Variants in ITGA9 observed in about 807,000 individuals in gnomAD.
ITGA9 encodes integrin alpha-9.
A neutral mutation model predicts 127.8 loss-of-function variants in ITGA9; 56 were observed. That is an observed-to-expected ratio of 0.44 (90% confidence interval 0.35 to 0.55). ITGA9 has a LOEUF of 0.55. Among genes scored for constraint, ITGA9 ranks in the 20% least tolerant of loss-of-function variants. The pLI is 0.00. For synonymous variants in ITGA9, 508 were observed against 514.5 expected (o/e 0.99, Z 0.17); for missense variants, 1,196 against 1,347.1 (o/e 0.89, Z 1.76).
intron 26 of ITGA9, among the ~76,000 whole-genome samples, chr3:37,796,140 G>A (rs72862206): frequency 0.021 from 3,136 of 152,112 alleles, 103 homozygotes; most frequent in African/African-American, 0.072. Context: ...GCCAAAGGGG[G>A]TTTGCACATC....
At chr3:37,677,277 G>A in intron 17 of ITGA9, among the ~76,000 whole-genome samples, 1 of 152,156 alleles carries the variant, frequency 6.6e-6, no homozygotes, top group Admixed American at 6.6e-5. Flanking sequence ...GACAACAGAT[G>A]AGCAATTTTG....
intron 15 of ITGA9, among the ~76,000 whole-genome samples, chr3:37,577,048 C>T (rs962312685): frequency 1.3e-5 from 2 of 152,250 alleles, no homozygotes; most frequent in Non-Finnish European, 2.9e-5. Context: ...AGGACCCATC[C>T]TTGGGGTCGT....
intron 15 of ITGA9, among the ~76,000 whole-genome samples, chr3:37,596,537 A>G (rs1699872630): frequency 6.6e-6 from 1 of 152,092 alleles, no homozygotes; most frequent in Non-Finnish European, 1.5e-5. Context: ...GAGCACAAAG[A>G]TGTGTGTTGA....
At chr3:37,793,404 AC>A in intron 26 of ITGA9, among the ~76,000 whole-genome samples, 1 of 137,068 alleles carries the variant, frequency 7.3e-6, no homozygotes, top group Non-Finnish European at 1.7e-5. Context: ...ACACACACAC[AC>A]ACACACACAC....
intron 18 of ITGA9, among the ~76,000 whole-genome samples, chr3:37,685,530 A>G (rs1700774771): frequency 6.6e-6 from 1 of 152,142 alleles, no homozygotes; most frequent in Non-Finnish European, 1.5e-5. Flanking sequence ...ACAGAATCGC[A>G]TGTGCTGTGA....
At chr3:37,558,673 C>T (rs983490381) in intron 15 of ITGA9, among the ~76,000 whole-genome samples, 2 of 152,182 alleles carry the variant, frequency 1.3e-5, no homozygotes, top group South Asian at 2.1e-4. Flanking sequence ...GGGCCCGGGG[C>T]AGATGGAGAC....
At chr3:37,606,922 C>T (rs944627160) in intron 15 of ITGA9, among the ~76,000 whole-genome samples, 2 of 148,754 alleles carry the variant, frequency 1.3e-5, no homozygotes, top group African/African-American at 5.0e-5. Flanking sequence ...TTTCTTGACA[C>T]ATCTTGGCTT....
At chr3:37,518,565 A>G (rs1699010745) in intron 10 of ITGA9, among the ~76,000 whole-genome samples, 1 of 152,210 alleles carries the variant, frequency 6.6e-6, no homozygotes, top group Non-Finnish European at 1.5e-5. Context: ...AATAATAATA[A>G]GGAATGGTCC....
intron 18 of ITGA9, among the ~76,000 whole-genome samples, chr3:37,695,835 G>C (rs918921706): frequency 1.3e-5 from 2 of 152,146 alleles, no homozygotes; most frequent in African/African-American, 4.8e-5. Flanking sequence ...ATTTTTCTTT[G>C]GTAATAATAA....
chr3:37,793,393 CA>C (rs1559600520), intron 26 of ITGA9, among the ~76,000 whole-genome samples: 1 of 56,938 alleles, frequency 1.8e-5, no homozygotes, highest in Non-Finnish European at 4.1e-5. Flanking sequence ...CAGGTCAACA[CA>C]CACACACACA....
chr3:37,490,963 G>T (rs1698663949), intron 4 of ITGA9, among the ~76,000 whole-genome samples: 2 of 110,184 alleles, frequency 1.8e-5, no homozygotes, highest in African/African-American at 6.5e-5. Context: ...CTCAGATTTG[G>T]CTTCCCCCCC....
At position 37,516,584 on chromosome 3, in the gene ITGA9, T is replaced by C. The variant is rs1455494625; in HGVS notation, c.1036-920T>C. On this transcript the variant is annotated intron_variant, in intron 9 of 27. Transcript: ENST00000264741. ...AAAGAAATTAATGCATATTTGTGTTTTGGGGTGGAGGTTTCATTCATCCAA... is the reference window on the plus strand; with the variant it reads ...AAAGAAATTAATGCATATTTGTGTTCTGGGGTGGAGGTTTCATTCATCCAA... Among the ~76,000 whole-genome samples the C allele has an allele frequency of 3.3e-5, 5 of 152,352 alleles. No individual in the cohort carries two copies. In the East Asian group the frequency reaches 9.6e-4, roughly 29 times the overall value.
At chr3:37,780,587 C>G (rs867960383) in intron 25 of ITGA9, among the ~76,000 whole-genome samples, 4 of 152,026 alleles carry the variant, frequency 2.6e-5, no homozygotes, top group South Asian at 2.1e-4. Flanking sequence ...TTCATGGACA[C>G]TTAAGTTGAT....
Position 37,819,093 on chromosome 3 carries a change from C to G in ITGA9, c.*104C>G. ...ATCTTCTCCAGATTTTTCGGAGGCC[C>G]CACTGATGCTGTTCTCTTCTTCATT... On this transcript the variant is annotated 3_prime_UTR_variant, in exon 28 of 28. Transcript: ENST00000264741. 1 of 857,810 alleles carries G rather than the reference C, an allele frequency of 1.2e-6. No homozygotes were observed. The highest frequency in any genetic ancestry group is 1.7e-5 in the African/African-American group (1 of 59,808). 53.1% of individuals were successfully genotyped at this position (857,810 alleles called of 1,614,324 possible).
chr3:37,505,634 G>A (rs1698832452), intron 6 of ITGA9, among the ~76,000 whole-genome samples: 1 of 152,180 alleles, frequency 6.6e-6, no homozygotes, highest in Admixed American at 6.5e-5. Flanking sequence ...CTTGATCTGG[G>A]TGGTGGTTGC....
At chr3:37,776,289 G>A (rs1433059068) in intron 23 of ITGA9, among the ~76,000 whole-genome samples, 1 of 152,096 alleles carries the variant, frequency 6.6e-6, no homozygotes, top group Non-Finnish European at 1.5e-5. Context: ...CATGACACAA[G>A]TTTACCTATA....
chr3:37,688,994 A>G (rs373870119), intron 18 of ITGA9, among the ~76,000 whole-genome samples: 7 of 125,612 alleles, frequency 5.6e-5, no homozygotes, highest in South Asian at 6.0e-4. Context: ...GGCTGGGTGG[A>G]TGGGTGTGTG....
chr3:37,510,024 CTTTT>C (rs5848025), intron 8 of ITGA9, among the ~76,000 whole-genome samples: 4 of 136,254 alleles, frequency 2.9e-5, no homozygotes, highest in Non-Finnish European at 4.7e-5. Flanking sequence ...TAAAGGATTC[CTTTT>C]TTTTTTTTTT....
chr3:37,527,895 C>T (rs1345430739), intron 13 of ITGA9, among the ~76,000 whole-genome samples: 2 of 152,070 alleles, frequency 1.3e-5, no homozygotes, highest in African/African-American at 4.8e-5. Flanking sequence ...AAGTGATTCT[C>T]CTGCCTCAGC....
Sources: allele counts gnomAD v4.1 joint callset (sites outside exome capture counted in the v4.1 genomes callset), GRCh38; gene constraint gnomAD v4.1.1; transcripts MANE v1.5; gene names NCBI Gene and HGNC (gene_info 2026-07-23, HGNC 2026-07-21).